MMP2: variants seen among roughly 807,000 people sequenced by gnomAD.
The protein encoded by MMP2 is matrix metallopeptidase 2, also known as 72 kDa type IV collagenase.
MMP2 carries 39 observed loss-of-function variants against 74.8 expected under a neutral mutation model. The observed-to-expected ratio is 0.52, with a 90% CI of 0.40 to 0.68. MMP2 has a LOEUF of 0.68. Ranked by LOEUF, MMP2 falls within the 30% of genes least tolerant of loss-of-function variation. MMP2 has a pLI of 0.00. For synonymous variants in MMP2, 367 were observed against 339.8 expected (o/e 1.08, Z -0.88); for missense variants, 803 against 878.3 (o/e 0.91, Z 1.08).
intron 9 of MMP2, among the ~76,000 whole-genome samples, chr16:55,493,687 A>G (rs1325718156): frequency 2.0e-5 from 3 of 152,228 alleles, no homozygotes; most frequent in Non-Finnish European, 2.9e-5. Context: ...GAAATAAGTC[A>G]CATGGCCAAT....
chr16:55,480,698 TCCAGC>T (rs1962078574), intron 1 of MMP2: 1 of 152,616 alleles, frequency 6.6e-6, no homozygotes, highest in Admixed American at 6.5e-5. Flanking sequence ...CACCCTGCCC[TCCAGC>T]CTCCCCCTCA....
rs201083413 is a variant in MMP2 at position 55,491,907 on chromosome 16, G to T, written c.1287G>T (p.Lys429Asn). ...TGGCACCCATTTACACCTACACCAA[G>T]AACTTCCGTCTGTCCCAGGATGACA... ...ALMAPIYTYTKNFRLSQDDIK... is the reference protein window; with the variant it reads ...ALMAPIYTYTNNFRLSQDDIK... Residue 429 changes from lysine to asparagine, a missense_variant, in exon 8 of 13, where the codon AAG becomes AAT. Transcript: ENST00000219070. The T allele has an allele frequency of 5.8e-5, 92 of 1,590,892 alleles. 2 individuals are homozygous for T. Among genetic ancestry groups the T allele is most frequent in the Middle Eastern group, 5.1e-4 (3 of 5,932 alleles).
rs556195353 is a variant in MMP2, at chr16:55,483,004, G to A, written c.249G>A (p.Leu83=). The A allele has an allele frequency of 6.8e-6, 11 of 1,614,100 alleles. No individual in the cohort carries two copies. Among genetic ancestry groups the A allele is most frequent in the Non-Finnish European group, 7.6e-6 (9 of 1,180,042 alleles). Residue 83 remains leucine, a synonymous_variant, in exon 2 of 13, where the codon CTG becomes CTA. Transcript: ENST00000219070. ...TLKKMQKFFG[L]PQTGDLDQNT... The stretch of plus-strand genomic sequence containing the variant: ...AGAAGATGCAGAAGTTCTTTGGACT[G>A]CCCCAGACAGGTGATCTTGACCAGA...
rs775163989 is a variant in MMP2 at position 55,489,762 on chromosome 16, T to C, written c.1118T>C (p.Met373Thr). The change falls in exon 7 of 13, where the codon ATG becomes ACG. Residue 373 changes from methionine (M) to threonine (T), a missense_variant. Coordinates refer to ENST00000219070, the MANE Select transcript of MMP2 (RefSeq NM_004530.6). ...AGCGCCGGCCGCAGTGACGGAAAGATGTGGTGTGCGACCACAGCCAACTAC... is the reference window on the plus strand; with the variant it reads ...AGCGCCGGCCGCAGTGACGGAAAGACGTGGTGTGCGACCACAGCCAACTAC... The part of the protein sequence containing the change: ...CTSAGRSDGK[M>T]WCATTANYDD... 6 of 1,614,110 alleles carry C rather than the reference T, an allele frequency of 3.7e-6. No individual in the cohort carries two copies. Among genetic ancestry groups the C allele is most frequent in the Non-Finnish European group, 5.1e-6 (6 of 1,180,000 alleles).
chr16:55,487,981 A>C (rs556846614), intron 5 of MMP2: 1 of 171,492 alleles, frequency 5.8e-6, no homozygotes, highest in East Asian at 1.7e-4. Context: ...GTGTGCACGC[A>C]CACACACATA....
upstream of MMP2, chr16:55,479,149 C>T (rs17859830): frequency 2.2e-3 from 410 of 190,040 alleles, 4 homozygotes; most frequent in African/African-American, 9.0e-3. Context: ...TCTGCCAGCT[C>T]CCTCCCAGCC....
intron 5 of MMP2, chr16:55,488,057 C>T: frequency 4.7e-6 from 1 of 212,998 alleles, no homozygotes; most frequent in South Asian, 8.1e-5. Context: ...TAGTTACAAC[C>T]TTCATTCACT....
At chr16:55,500,353 A>G (rs1472629933) in intron 11 of MMP2, among the ~76,000 whole-genome samples, 5 of 152,196 alleles carry the variant, frequency 3.3e-5, no homozygotes, top group Non-Finnish European at 5.9e-5. Context: ...TGAATCTTAG[A>G]ATCCTAAAGC....
At chr16:55,481,761 C>T (rs1962109288) in intron 1 of MMP2, 1 of 704,766 alleles carries the variant, frequency 1.4e-6, no homozygotes, top group Non-Finnish European at 2.6e-6. Context: ...ATGAACCAAC[C>T]AGCTGGCCTA....
rs548817175 is a variant in MMP2 at position 55,489,445 on chromosome 16, C to T, written c.1007-206C>T. On this transcript the variant is annotated intron_variant, in intron 6 of 12. Transcript: ENST00000219070. The stretch of plus-strand genomic sequence containing the variant: ...AGGGAAATTTCATCATCTCTCTGAT[C>T]TATTTCCCATCCATGAAACGCGGTG... 1.3e-4 allele frequency among the ~76,000 whole-genome samples: 16 copies of T among 125,700 alleles called. 1 individual carries two copies. In the South Asian group the frequency reaches 4.0e-3, roughly 31 times the overall value. The allele number at this position is 125,700 out of a possible 152,430, so 82.5% of individuals were successfully genotyped here.
chr16:55,502,937 C>G, intron 12 of MMP2, 49 bp downstream of exon 12: 1 of 1,441,536 alleles, frequency 6.9e-7, no homozygotes, highest in Non-Finnish European at 9.7e-7. Flanking sequence ...CCGCCCCTAG[C>G]CAGGGCCCAG....
chr16:55,491,990 TGAGG>T, intron 8 of MMP2, 34 bp downstream of exon 8: 2 of 1,305,560 alleles, frequency 1.5e-6, no homozygotes, highest in Non-Finnish European at 2.1e-6. Context: ...GGGTGGAGGG[TGAGG>T]AGGGGGGAGG....
chr16:55,493,269 G>A lies in MMP2; in HGVS notation c.1448G>A (p.Gly483Asp), dbSNP rs777736644. ...IVFDGIAQIR[G>D]EIFFFKDRFI... ...TTTGATGGCATCGCTCAGATCCGTG[G>A]TGAGATCTTCTTCTTCAAGGACCGG... The change falls in exon 9 of 13, where the codon GGT becomes GAT. Residue 483 changes from glycine to aspartate, a missense_variant. Transcript: ENST00000219070. The A allele has an allele frequency of 1.2e-6, 2 of 1,614,188 alleles. No individual in the cohort carries two copies. The highest frequency in any genetic ancestry group is 1.1e-5 in the South Asian group (1 of 91,082).
At chr16:55,501,669 T>A (rs1178937670) in intron 11 of MMP2, among the ~76,000 whole-genome samples, 1 of 143,252 alleles carries the variant, frequency 7.0e-6, no homozygotes, top group African/African-American at 3.0e-5. Context: ...GAGAAGTCCC[T>A]TTGAGGGAGA....
In MMP2 at chr16:55,500,573, T is replaced by C. The variant is rs190115188; in HGVS notation, c.1769+2125T>C. ...GGTTGTGGCAGTGCCTTGCTGGATT[T>C]CCAGGCAGAGTTATTTGCCTCCCAG... On this transcript the variant is annotated intron_variant, in intron 11 of 12. Transcript: ENST00000219070. Among the ~76,000 whole-genome samples, 3 of 149,824 alleles carry C rather than the reference T, an allele frequency of 2.0e-5. No homozygotes were observed. The East Asian group carries it at 6.0e-4, about 30-fold the overall frequency.
chr16:55,499,706 G>C (rs1171080530), intron 11 of MMP2, among the ~76,000 whole-genome samples: 1 of 152,166 alleles, frequency 6.6e-6, no homozygotes, highest in Non-Finnish European at 1.5e-5. Context: ...ACTTGTTCAA[G>C]CTATAGAGAT....
At chr16:55,500,889 G>A (rs1253804541) in intron 11 of MMP2, among the ~76,000 whole-genome samples, 1 of 152,226 alleles carries the variant, frequency 6.6e-6, no homozygotes, top group Non-Finnish European at 1.5e-5. Flanking sequence ...ATGCCAAGAA[G>A]AGCTCAGGCC....
chr16:55,493,417 G>A (rs1015290304), intron 9 of MMP2, 124 bp downstream of exon 9: 2 of 1,336,424 alleles, frequency 1.5e-6, no homozygotes, highest in Non-Finnish European at 2.1e-6. Flanking sequence ...CCTGAATTAG[G>A]CAGTTTCTGC....
intron 1 of MMP2, among the ~76,000 whole-genome samples, chr16:55,480,781 C>T (rs1962080144): frequency 1.3e-5 from 2 of 152,310 alleles, no homozygotes; most frequent in South Asian, 2.1e-4. Flanking sequence ...GTGACAACTA[C>T]CCTCTCCCAA....
Sources: allele counts gnomAD v4.1 joint callset (sites outside exome capture counted in the v4.1 genomes callset), GRCh38; gene constraint gnomAD v4.1.1; transcripts MANE v1.5; gene names NCBI Gene and HGNC (gene_info 2026-07-23, HGNC 2026-07-21).